The following KCNH7 variants were observed in gnomAD, a reference collection of about 807,000 sequenced individuals.
The protein encoded by KCNH7 is voltage-gated inwardly rectifying potassium channel KCNH7.
KCNH7 carries 49 observed loss-of-function variants against 120.8 expected under a neutral mutation model. The observed-to-expected ratio is 0.41, with a 90% CI of 0.32 to 0.51. KCNH7 has a LOEUF of 0.51. KCNH7 is among the 20% of genes least tolerant of loss of function. The pLI, the probability that KCNH7 is intolerant of heterozygous loss-of-function variation, is 0.38. For synonymous variants in KCNH7, 547 were observed against 516.1 expected (o/e 1.06, Z -0.81); for missense variants, 1,097 against 1,446.6 (o/e 0.76, Z 3.92).
chr2:162,788,977 C>A (rs1683816451), intron 2 of KCNH7, among the ~76,000 whole-genome samples: 1 of 116,434 alleles, frequency 8.6e-6, no homozygotes, highest in South Asian at 2.9e-4. Context: ...ATGATATAGT[C>A]AGGTACTGGT....
At chr2:162,679,179 C>T (rs994607159) in intron 2 of KCNH7, among the ~76,000 whole-genome samples, 1 of 151,344 alleles carries the variant, frequency 6.6e-6, no homozygotes, top group Non-Finnish European at 1.5e-5. Flanking sequence ...TAGAAGAGAC[C>T]CCACTAAATA....
At chr2:162,518,773 G>A (rs1691410443) in intron 3 of KCNH7, among the ~76,000 whole-genome samples, 1 of 148,996 alleles carries the variant, frequency 6.7e-6, no homozygotes, top group African/African-American at 2.5e-5. Flanking sequence ...AAAGAGCGAT[G>A]TACTGTACTG....
At chr2:162,593,193 G>T (rs1351557777) in intron 2 of KCNH7, among the ~76,000 whole-genome samples, 1 of 152,150 alleles carries the variant, frequency 6.6e-6, no homozygotes, top group African/African-American at 2.4e-5. Context: ...GCAGGCCTGT[G>T]GGCTGAATAT....
intron 2 of KCNH7, among the ~76,000 whole-genome samples, chr2:162,667,018 C>CTTT (rs34213467): frequency 3.2e-5 from 4 of 124,214 alleles, no homozygotes; most frequent in Non-Finnish European, 6.6e-5. Flanking sequence ...TTTTCTTTTT[C>CTTT]TTTTTTTTTT....
At chr2:162,772,616 T>C (rs1409907501) in intron 2 of KCNH7, among the ~76,000 whole-genome samples, 1 of 152,206 alleles carries the variant, frequency 6.6e-6, no homozygotes. Flanking sequence ...CTCAGATATA[T>C]TTGGAAACAC....
At chr2:162,383,151 C>T (rs1052839449) in intron 13 of KCNH7, among the ~76,000 whole-genome samples, 6 of 151,926 alleles carry the variant, frequency 3.9e-5, no homozygotes, top group East Asian at 1.9e-4. Context: ...TTTAATAATT[C>T]GCCACTTGAG....
At chr2:162,537,689 T>C (rs1692155579) in intron 2 of KCNH7, among the ~76,000 whole-genome samples, 1 of 152,136 alleles carries the variant, frequency 6.6e-6, no homozygotes. Context: ...TCTATATTAT[T>C]GTGTTAGTAA....
At chr2:162,747,020 A>C (rs2035915) in intron 2 of KCNH7, among the ~76,000 whole-genome samples, 8,573 of 152,222 alleles carry the variant, frequency 0.056, 809 homozygotes, top group African/African-American at 0.19. Context: ...AGAAGAAAAA[A>C]AGTATGAAAA....
At chr2:162,376,031 C>A (rs921052883) in intron 14 of KCNH7, among the ~76,000 whole-genome samples, 2 of 151,762 alleles carry the variant, frequency 1.3e-5, no homozygotes, top group Non-Finnish European at 2.9e-5. Flanking sequence ...AGTTTTAGAA[C>A]TTTTTCTTCT....
At chr2:162,700,815 T>G (rs1686468670) in intron 2 of KCNH7, among the ~76,000 whole-genome samples, 1 of 152,236 alleles carries the variant, frequency 6.6e-6, no homozygotes, top group South Asian at 2.1e-4. Flanking sequence ...TGTTGCTCAT[T>G]CATTTAGATT....
intron 2 of KCNH7, among the ~76,000 whole-genome samples, chr2:162,651,810 A>G (rs529390326): frequency 6.6e-6 from 1 of 151,986 alleles, no homozygotes; most frequent in Admixed American, 6.6e-5. Context: ...GTTAATTTAC[A>G]CTCCCACCAA....
At chr2:162,577,402 T>C (rs980666079) in intron 2 of KCNH7, among the ~76,000 whole-genome samples, 4 of 141,702 alleles carry the variant, frequency 2.8e-5, no homozygotes, top group South Asian at 2.2e-4. Context: ...TCTATCCATC[T>C]ATCTATCTAT....
At chr2:162,534,583 A>C (rs1389645280) in intron 3 of KCNH7, among the ~76,000 whole-genome samples, 5 of 151,744 alleles carry the variant, frequency 3.3e-5, no homozygotes, top group African/African-American at 1.2e-4. Context: ...ACCATTATTA[A>C]AGAAGAAAAA....
intron 2 of KCNH7, among the ~76,000 whole-genome samples, chr2:162,818,245 A>G (rs1684984777): frequency 6.6e-6 from 1 of 151,992 alleles, no homozygotes; most frequent in Non-Finnish European, 1.5e-5. Flanking sequence ...TTTAGCTTTT[A>G]TATTTAAGTA....
At chr2:162,697,657 T>C (rs7591920) in intron 2 of KCNH7, among the ~76,000 whole-genome samples, 34,544 of 151,966 alleles carry the variant, frequency 0.23, 5,709 homozygotes, top group African/African-American at 0.45. Context: ...TAGGTAGAGA[T>C]AGAAGAATGT....
chr2:162,782,268 A>G (rs1032411), intron 2 of KCNH7, among the ~76,000 whole-genome samples: 107,559 of 151,504 alleles, frequency 0.71, 38,761 homozygotes, highest in South Asian at 0.86. Context: ...TATATTGTTC[A>G]TAGATAATGA....
intron 2 of KCNH7, among the ~76,000 whole-genome samples, chr2:162,571,114 T>C (rs994722512): frequency 4.6e-5 from 7 of 151,790 alleles, no homozygotes; most frequent in Non-Finnish European, 8.8e-5. Flanking sequence ...TTGTCCCTGT[T>C]TGCAGATGAC....
chr2:162,384,551 C>A lies in KCNH7; in HGVS notation c.2962+137G>T. ...AAACACTTCATGGATGATCTGAAAT[C>A]TGAACGCTTCGCGAACATTTCATGA... On this transcript the variant is annotated intron_variant, in intron 13 of 15. Coordinates refer to ENST00000332142, the MANE Select transcript of KCNH7 (RefSeq NM_033272.4). 3 of 859,080 alleles carry A rather than the reference C, an allele frequency of 3.5e-6. No homozygotes were observed. The South Asian group carries it at 5.1e-5, about 15-fold the overall frequency. 53.2% of individuals were successfully genotyped at this position (859,080 alleles called of 1,614,324 possible).
intron 2 of KCNH7, among the ~76,000 whole-genome samples, chr2:162,556,687 T>C (rs1368848117): frequency 6.6e-6 from 1 of 152,206 alleles, no homozygotes; most frequent in Non-Finnish European, 1.5e-5. Flanking sequence ...TCAAATTTAA[T>C]CTCAAAATCC....
Sources: allele counts gnomAD v4.1 joint callset (sites outside exome capture counted in the v4.1 genomes callset), GRCh38; gene constraint gnomAD v4.1.1; transcripts MANE v1.5; gene names NCBI Gene and HGNC (gene_info 2026-07-23, HGNC 2026-07-21).